SLC6A20: variants seen among roughly 807,000 people sequenced by gnomAD.
SLC6A20 encodes sodium- and chloride-dependent transporter XTRP3.
Under a neutral mutation model 64.3 loss-of-function variants are expected in SLC6A20, and 73 were observed. The observed-to-expected ratio is 1.14, with a 90% CI of 0.94 to 1.38. The LOEUF is 1.38. Among genes scored for constraint, SLC6A20 ranks in the 40% most tolerant of loss-of-function variants. The probability of loss-of-function intolerance (pLI) is 0.00; values close to 1 mark genes in which losing one functional copy is unlikely to be tolerated. For missense variants in SLC6A20, 725 were observed against 772.8 expected, an observed-to-expected ratio of 0.94 and a Z score of 0.73; for synonymous variants, 347 against 329.6, an observed-to-expected ratio of 1.05 and a Z score of -0.57.
intron 9 of SLC6A20, among the ~76,000 whole-genome samples, chr3:45,760,415 C>T (rs903774914): frequency 1.3e-5 from 2 of 152,028 alleles, no homozygotes; most frequent in African/African-American, 2.4e-5. Flanking sequence ...GCTTTGCCCA[C>T]CCCCCTACCC....
chr3:45,780,084 C>T lies in SLC6A20; in HGVS notation c.279G>A (p.Val93=), dbSNP rs547874218. The T allele has an allele frequency of 6.3e-7, 1 of 1,596,590 alleles. No homozygotes were observed. The highest frequency in any genetic ancestry group is 8.5e-7 in the Non-Finnish European group (1 of 1,171,302). Residue 93 remains valine, a synonymous_variant, in exon 3 of 11, where the codon GTG becomes GTA. Coordinates refer to ENST00000358525, the MANE Select transcript of SLC6A20 (RefSeq NM_020208.4). ...AGTACATGGAGAGGAAGAAAGAGAC[C>T]ACCACGCTGGCGACCCCTGCGAGGA... The part of the protein sequence containing the change: ...YLSGVGVASV[V]VSFFLSMYYN...
In SLC6A20 at chr3:45,780,054, G is replaced by C. The variant is rs767689740; in HGVS notation, c.309C>G (p.Asn103Lys). ...ACCAGAAGGCCCAGGCGTTGATGAC[G>C]TTGTAGTACATGGAGAGGAAGAAAG... ...VVSFFLSMYYNVINAWAFWYL... is the reference protein window; with the variant it reads ...VVSFFLSMYYKVINAWAFWYL... Residue 103 changes from asparagine to lysine, a missense_variant, in exon 3 of 11, where the codon AAC becomes AAG. Physicochemically the swap from Asn to Lys is moderately conservative, Grantham distance 94. Transcript: ENST00000358525. The C allele has an allele frequency of 6.2e-7, 1 of 1,605,228 alleles. No individual in the cohort carries two copies. The highest frequency in any genetic ancestry group is 1.1e-5 in the South Asian group (1 of 88,998).
chr3:45,765,740 G>A lies in SLC6A20; in HGVS notation c.1100C>T (p.Ala367Val). The A allele has an allele frequency of 6.2e-7, 1 of 1,614,186 alleles. No individual in the cohort carries two copies. Among genetic ancestry groups the A allele is most frequent in the Non-Finnish European group, 8.5e-7 (1 of 1,180,040 alleles). Reference protein sequence around the residue: ...NCSLESELDTAVQGTGLAFIV... With the variant: ...NCSLESELDTVVQGTGLAFIV... ...GAATGCCAGGCCAGTGCCCTGGACG[G>A]CCTGCCCAGGGTGAGAAGACACCAG... The change falls in exon 8 of 11, where the codon GCC becomes GTC. Residue 367 changes from alanine to valine, a missense_variant and splice_region_variant. Coordinates refer to ENST00000358525, the MANE Select transcript of SLC6A20 (RefSeq NM_020208.4). This position sits in a 1 kb window ranked among gnomAD's most constrained non-coding sequence, Gnocchi z 4.2.
chr3:45,765,663 C>T lies in SLC6A20; in HGVS notation c.1177G>A (p.Val393Met). ...KNMEVSQLWSVLYFFMLLMLG... is the reference protein window; with the variant it reads ...KNMEVSQLWSMLYFFMLLMLG... ...ATCAGCAGCATGAAGAAGTAGAGCA[C>T]CGACCACAGCTGGGACACCTCCATG... Residue 393 changes from valine to methionine, a missense_variant, in exon 8 of 11, where the codon GTG becomes ATG. Coordinates refer to ENST00000358525, the MANE Select transcript of SLC6A20 (RefSeq NM_020208.4). This position sits in a 1 kb window ranked among gnomAD's most constrained non-coding sequence, Gnocchi z 4.2. The T allele has an allele frequency of 1.2e-6, 2 of 1,614,218 alleles. No homozygotes were observed. The highest frequency in any genetic ancestry group is 1.1e-5 in the South Asian group (1 of 91,084).
In SLC6A20 at chr3:45,756,633, G is replaced by GTGTT. The variant is rs1032126595; in HGVS notation, c.*2341_*2344dup. On this transcript the variant is annotated 3_prime_UTR_variant, in exon 11 of 11. Coordinates refer to ENST00000358525, the MANE Select transcript of SLC6A20 (RefSeq NM_020208.4). Reference sequence around the variant, plus strand: ...CATCTCCGGCCAACGTCCCAGGTGAGTGTTTGTGTCTTCAAAGATATCTGT... The same window carrying GTGTT: ...CATCTCCGGCCAACGTCCCAGGTGAGTGTTTGTTTGTGTCTTCAAAGATATCTGT... 1 of 152,210 alleles carries GTGTT rather than the reference G, an allele frequency of 6.6e-6. No individual in the cohort carries two copies. Among genetic ancestry groups the GTGTT allele is most frequent in the Non-Finnish European group, 1.5e-5 (1 of 68,046 alleles). 9.4% of individuals were successfully genotyped at this position (152,210 alleles called of 1,614,324 possible).
intron 4 of SLC6A20, among the ~76,000 whole-genome samples, chr3:45,774,377 A>C (rs1338175528): frequency 6.6e-6 from 1 of 152,238 alleles, no homozygotes; most frequent in Non-Finnish European, 1.5e-5. Flanking sequence ...TCATGATCAT[A>C]ATAATCTGGC....
chr3:45,787,553 A>G (rs1435244015), intron 1 of SLC6A20, among the ~76,000 whole-genome samples: 4 of 152,296 alleles, frequency 2.6e-5, no homozygotes. Context: ...GCCAGAGTCC[A>G]TTGAATATTT....
chr3:45,775,958 T>C lies in SLC6A20; in HGVS notation c.385A>G (p.Asn129Asp). Residue 129 changes from asparagine (N) to aspartate (D), a missense_variant, in exon 4 of 11, where the codon AAT (asparagine) becomes GAT (aspartate). Physicochemically the swap from Asn to Asp is conservative, Grantham distance 23 (BLOSUM62 1). Transcript: ENST00000358525. The stretch of plus-strand genomic sequence containing the variant: ...TCATCGTAGCCCGTGTGGTTACCAT[T>C]CAGTGGGCAGACAGACCACGGCAGG... ...DPLPWSVCPL[N>D]GNHTGYDEEC... is the part of the protein sequence containing the mutation. The C allele has an allele frequency of 6.2e-7, 1 of 1,614,172 alleles. No individual in the cohort carries two copies. The highest frequency in any genetic ancestry group is 8.5e-7 in the Non-Finnish European group (1 of 1,180,012).
chr3:45,796,502 A>C lies in SLC6A20; in HGVS notation c.-83T>G. On this transcript the variant is annotated 5_prime_UTR_variant, in exon 1 of 11. Transcript: ENST00000358525. ...GCGCGGTCGCCAGGCGCGCCGTCCC[A>C]CCCCGGCTCGGCTTGGGGGTGGCCC... 7.0e-7 allele frequency: 1 copy of C among 1,426,694 alleles called. No homozygotes were observed. Among genetic ancestry groups the C allele is most frequent in the South Asian group, 1.5e-5 (1 of 68,094 alleles). 88.4% of individuals were successfully genotyped at this position (1,426,694 alleles called of 1,614,324 possible). A position where few individuals can be genotyped will look rare whatever the true frequency, so the allele number is the denominator to read the frequency against.
chr3:45,759,074 C>A lies in SLC6A20; in HGVS notation c.1683G>T (p.Leu561=). The A allele has an allele frequency of 1.2e-6, 2 of 1,613,152 alleles. No individual in the cohort carries two copies. The highest frequency in any genetic ancestry group is 1.7e-6 in the Non-Finnish European group (2 of 1,179,752). ...YPAYALAVIG[L]LVASSTMCIP... is the part of the protein sequence containing the mutation. ...TGCACATGGTGGAGGAGGCCACAAG[C>A]AGCCCGATGACAGCCAGTGCATAGG... Residue 561 remains leucine (L), a synonymous_variant, in exon 11 of 11, where the codon CTG becomes CTT. Transcript: ENST00000358525.
chr3:45,779,893 C>T, intron 3 of SLC6A20, 116 bp downstream of exon 3: 2 of 1,120,808 alleles, frequency 1.8e-6, no homozygotes, highest in South Asian at 3.0e-5. Context: ...CACCCACCGG[C>T]TCCCCGCCCC....
chr3:45,761,332 G>A (rs912216659), intron 9 of SLC6A20, among the ~76,000 whole-genome samples: 24 of 150,684 alleles, frequency 1.6e-4, no homozygotes, highest in African/African-American at 2.2e-4. Flanking sequence ...TGAGCAAGCC[G>A]AAGCACTCCC....
chr3:45,770,442 CTCT>C (rs1699842795), intron 6 of SLC6A20, 71 bp from the exon 7 acceptor site: 4 of 1,562,996 alleles, frequency 2.6e-6, no homozygotes, highest in East Asian at 2.3e-5. Context: ...TCCCGTCAGC[CTCT>C]TCTTTTCTGA....
intron 9 of SLC6A20, among the ~76,000 whole-genome samples, chr3:45,762,579 G>T (rs1220727115): frequency 6.6e-6 from 1 of 152,226 alleles, no homozygotes; most frequent in Non-Finnish European, 1.5e-5. Flanking sequence ...GGAAAATACT[G>T]ATGTTGGCCG....
intron 8 of SLC6A20, among the ~76,000 whole-genome samples, 159 bp from the exon 9 acceptor site, chr3:45,763,231 G>A (rs1463449596): frequency 6.6e-6 from 1 of 152,232 alleles, no homozygotes; most frequent in Non-Finnish European, 1.5e-5. Flanking sequence ...ACTCTCTGAA[G>A]GTGTGTGCCA....
rs951817064 is a variant in SLC6A20 at position 45,765,948 on chromosome 3, C to A, written c.1099-207G>T. Among the ~76,000 whole-genome samples the A allele has an allele frequency of 6.6e-6, 1 of 152,190 alleles. No homozygotes were observed. The highest frequency in any genetic ancestry group is 6.5e-5 in the Admixed American group (1 of 15,284). ...GCCAGGAGCTCATATATGCAAAGCA[C>A]GTGAGAACTTGTAGCCAGCCTGCAA... On this transcript the variant is annotated intron_variant, in intron 7 of 10. Transcript: ENST00000358525. This position sits in a 1 kb window ranked among gnomAD's most constrained non-coding sequence, Gnocchi z 4.2.
rs1453071762 is a variant in SLC6A20 at position 45,771,494 on chromosome 3, G to T, written c.694-36C>A. 1.9e-6 allele frequency: 3 copies of T among 1,610,344 alleles called. No individual in the cohort carries two copies. The South Asian group carries it at 3.3e-5, about 18-fold the overall frequency. On this transcript the variant is annotated intron_variant, in intron 5 of 10. Transcript: ENST00000358525. ...AGCAGGGACAGGGCTGATGATCCCT[G>T]GGTGGAATCCCAAATGCTCAGACCC...
chr3:45,768,579 G>C (rs1040342611), intron 7 of SLC6A20, among the ~76,000 whole-genome samples: 3 of 152,206 alleles, frequency 2.0e-5, no homozygotes, highest in Non-Finnish European at 4.4e-5. Flanking sequence ...GGGGAAGCAG[G>C]CTCATGCCAC....
intron 3 of SLC6A20, among the ~76,000 whole-genome samples, chr3:45,777,243 T>C (rs951022078): frequency 6.6e-6 from 1 of 152,100 alleles, no homozygotes; most frequent in African/African-American, 2.4e-5. Context: ...ACTGTGCCAG[T>C]AGGCAGCTGG....
Sources: gnomAD v4.1 joint callset for allele counts (sites outside exome capture counted in the v4.1 genomes callset) on GRCh38, gnomAD v4.1.1 for gene constraint, Gnocchi (gnomAD v3.1) non-coding constraint, MANE v1.5 for transcripts, NCBI Gene and HGNC (gene_info 2026-07-23, HGNC 2026-07-21) for gene names.